Variants in ARAP2 observed in about 807,000 individuals in gnomAD.
ARAP2 encodes arf-GAP with Rho-GAP domain, ANK repeat and PH domain-containing protein 2.
ARAP2 carries 148 observed loss-of-function variants against 194.5 expected under a neutral mutation model. The observed-to-expected ratio is 0.76, with a 90% CI of 0.67 to 0.87. ARAP2 has a LOEUF of 0.87. Ranked by LOEUF, ARAP2 falls within the 40% of genes least tolerant of loss-of-function variation. The pLI, the probability that ARAP2 is intolerant of heterozygous loss-of-function variation, is 0.00. For synonymous variants in ARAP2, 695 were observed against 683.5 expected (o/e 1.02, Z -0.26); for missense variants, 2,128 against 1,989.7 (o/e 1.07, Z -1.32).
At chr4:36,011,211 T>C (rs893820361) in intron 9 of ARAP2, among the ~76,000 whole-genome samples, 2 of 152,120 alleles carry the variant, frequency 1.3e-5, no homozygotes, top group Non-Finnish European at 2.9e-5. Context: ...TTTAGTTTTG[T>C]TACTGAAGCA....
In ARAP2 at chr4:36,159,523, A is replaced by G. The variant is rs769464595; in HGVS notation, c.2443-18T>C. ...CATAGAGCCTGGTCATTAAAAGAAA[A>G]TATACATCTTAAGGAAAGAAAATAA... On this transcript the variant is annotated intron_variant, in intron 13 of 32. Coordinates refer to ENST00000303965, the MANE Select transcript of ARAP2 (RefSeq NM_015230.4). 1.3e-5 allele frequency: 20 copies of G among 1,492,876 alleles called. No homozygotes were observed. The South Asian group carries it at 2.6e-4, about 19-fold the overall frequency. The allele number at this position is 1,492,876 out of a possible 1,614,324, so 92.5% of individuals were successfully genotyped here. A position where few individuals can be genotyped will look rare whatever the true frequency, so the allele number is the denominator to read the frequency against.
intron 22 of ARAP2, among the ~76,000 whole-genome samples, chr4:36,122,029 A>G (rs1039138823): frequency 6.6e-6 from 1 of 151,628 alleles, no homozygotes; most frequent in African/African-American, 2.4e-5. Flanking sequence ...AATAAGTATA[A>G]AGTAATTAAA....
chr4:36,072,127 T>C (rs1727132498), intron 32 of ARAP2, among the ~76,000 whole-genome samples: 1 of 152,120 alleles, frequency 6.6e-6, no homozygotes, highest in Admixed American at 6.6e-5. Flanking sequence ...ATTTCTATTA[T>C]TGCCTTATAA....
intron 15 of ARAP2, among the ~76,000 whole-genome samples, chr4:36,154,468 C>T (rs911060401): frequency 7.2e-5 from 11 of 151,990 alleles, no homozygotes; most frequent in Admixed American, 6.6e-4. Context: ...AAATCAAATA[C>T]TATGTAAACA....
intron 5 of ARAP2, among the ~76,000 whole-genome samples, chr4:36,211,280 A>T (rs1048495408): frequency 5.9e-5 from 9 of 152,196 alleles, no homozygotes; most frequent in Non-Finnish European, 1.3e-4. Context: ...ATGAGGAAAA[A>T]TATTGCAGCA....
intron 1 of ARAP2, among the ~76,000 whole-genome samples, chr4:36,235,971 T>C (rs1443863459): frequency 1.3e-5 from 2 of 151,960 alleles, no homozygotes; most frequent in African/African-American, 2.4e-5. Flanking sequence ...GAGCCCACAA[T>C]TTCCAGAACA....
At chr4:36,106,744 C>A (rs1718507889) in intron 27 of ARAP2, among the ~76,000 whole-genome samples, 1 of 151,618 alleles carries the variant, frequency 6.6e-6, no homozygotes, top group South Asian at 2.1e-4. Context: ...TTGTAAAATT[C>A]AAAAGGTAAT....
rs750242703 is a variant in ARAP2, at chr4:36,121,295, T to G, written c.3778A>C (p.Asn1260His). ...AAGACCAAGGCCAAATTATGGGCAT[T>G]CATGTGATTGATTTCTGAGCATTTC... is the stretch of plus-strand genomic sequence containing the variant. ...VQKCSEINHM[N>H]AHNLALVFSS... Residue 1260 changes from asparagine (N) to histidine (H), a missense_variant, in exon 23 of 33, where the codon AAT becomes CAT. Transcript: ENST00000303965. The G allele has an allele frequency of 6.2e-7, 1 of 1,602,374 alleles. No homozygotes were observed. Among genetic ancestry groups the G allele is most frequent in the Non-Finnish European group, 8.5e-7 (1 of 1,173,306 alleles).
intron 9 of ARAP2, among the ~76,000 whole-genome samples, chr4:36,173,343 C>T (rs1291417654): frequency 6.6e-6 from 1 of 152,080 alleles, no homozygotes; most frequent in Non-Finnish European, 1.5e-5. Flanking sequence ...TATTTGATTA[C>T]CTTATTTAAA....
chr4:36,073,719 C>G lies in ARAP2; in HGVS notation c.4713G>C (p.Gly1571=), dbSNP rs779626089. 49 of 1,612,540 alleles carry G rather than the reference C, an allele frequency of 3.0e-5. No individual in the cohort carries two copies. In the South Asian group the frequency reaches 4.6e-4, roughly 15 times the overall value. The change falls in exon 32 of 33, where the codon GGG becomes GGC. Residue 1571 remains glycine (G), a synonymous_variant. Coordinates refer to ENST00000303965, the MANE Select transcript of ARAP2 (RefSeq NM_015230.4). ...TATTTTTCCGGGCCAAGGTTGCATT[C>G]CCCTCATGCTGTATAGGAATCAGAG... is the stretch of plus-strand genomic sequence containing the variant. ...GLPLIPIQHE[G]NATLARKNIE... is the part of the protein sequence containing the mutation.
rs544343067 is a variant in ARAP2 at position 36,182,774 on chromosome 4, G to A, written c.1678+4677C>T. Among the ~76,000 whole-genome samples the A allele has an allele frequency of 2.0e-4, 30 of 152,252 alleles. 1 individual carries two copies. The East Asian group carries it at 5.2e-3, about 26-fold the overall frequency. Reference sequence around the variant, plus strand: ...ATTCAAGAATAACTGCATACTTCACGGCCTAAGCACCTGAGGCTTCTATTT... The same window carrying A: ...ATTCAAGAATAACTGCATACTTCACAGCCTAAGCACCTGAGGCTTCTATTT... On this transcript the variant is annotated intron_variant, in intron 8 of 32. Transcript: ENST00000303965.
intron 9 of ARAP2, among the ~76,000 whole-genome samples, chr4:36,171,681 A>G (rs958662016): frequency 3.3e-5 from 5 of 152,208 alleles, no homozygotes; most frequent in Admixed American, 3.3e-4. Context: ...AATTAAAAAA[A>G]AAATGTTTAA....
intron 9 of ARAP2, among the ~76,000 whole-genome samples, chr4:36,009,979 C>T (rs569093871): frequency 4.6e-5 from 7 of 151,440 alleles, no homozygotes; most frequent in African/African-American, 1.7e-4. Context: ...TTGTTTTTCC[C>T]TTCTGTTAAT....
At chr4:36,170,453 T>C (rs1736357051) in intron 9 of ARAP2, among the ~76,000 whole-genome samples, 1 of 152,188 alleles carries the variant, frequency 6.6e-6, no homozygotes, top group South Asian at 2.1e-4. Flanking sequence ...CTCCATTTTA[T>C]CTGCTTCTGT....
intron 5 of ARAP2, among the ~76,000 whole-genome samples, chr4:36,029,302 C>T (rs991598862): frequency 3.9e-5 from 6 of 151,984 alleles, no homozygotes; most frequent in Admixed American, 3.9e-4. Context: ...TGCACTAGTA[C>T]TCATAACTAT....
chr4:36,231,607 GAAGTAGAATA>G (rs1434697401), intron 1 of ARAP2, among the ~76,000 whole-genome samples: 1 of 152,114 alleles, frequency 6.6e-6, no homozygotes, highest in African/African-American at 2.4e-5. Context: ...TTTTCCTTCT[GAAGTAGAATA>G]AAGTATAAAA....
chr4:36,114,143 A>G (rs1473148733), intron 26 of ARAP2, 27 bp downstream of exon 26: 2 of 1,419,562 alleles, frequency 1.4e-6, no homozygotes, highest in African/African-American at 2.9e-5. Context: ...AAGTAATTTA[A>G]GAATCCCTAG....
intron 3 of ARAP2, among the ~76,000 whole-genome samples, chr4:36,047,484 T>G (rs898872145): frequency 6.6e-6 from 1 of 152,262 alleles, no homozygotes; most frequent in Non-Finnish European, 1.5e-5. Context: ...CATCCTGTTA[T>G]GTAAAAATTT....
At chr4:36,233,165 CCAA>C (rs1751833772) in intron 1 of ARAP2, among the ~76,000 whole-genome samples, 1 of 152,200 alleles carries the variant, frequency 6.6e-6, no homozygotes, top group African/African-American at 2.4e-5. Context: ...GTTCACAGAT[CCAA>C]TTCTTAGATG....
Sources: gnomAD v4.1 joint callset for allele counts (sites outside exome capture counted in the v4.1 genomes callset) on GRCh38, gnomAD v4.1.1 for gene constraint, MANE v1.5 for transcripts, NCBI Gene and HGNC (gene_info 2026-07-23, HGNC 2026-07-21) for gene names.